The following RET variants were observed in gnomAD, a reference collection of about 807,000 sequenced individuals.
RET encodes ret proto-oncogene, also known as proto-oncogene tyrosine-protein kinase receptor Ret.
Under a neutral mutation model 118.3 loss-of-function variants are expected in RET, and 19 were observed. The observed-to-expected ratio is 0.16, with a 90% confidence interval of 0.11 to 0.24. The LOEUF (loss-of-function observed/expected upper bound fraction) is 0.24. Ranked by LOEUF, RET falls within the 10% of genes least tolerant of loss-of-function variation. The probability of loss-of-function intolerance (pLI) is 1.00; values close to 1 mark genes in which losing one functional copy is unlikely to be tolerated. For missense variants in RET, 1,219 were observed against 1,502.1 expected (o/e 0.81, Z 3.12); for synonymous variants, 597 against 644.1 (o/e 0.93, Z 1.11).
At chr10:43,088,736 T>G (rs1394943817) in intron 1 of RET, among the ~76,000 whole-genome samples, 3 of 152,118 alleles carry the variant, frequency 2.0e-5, no homozygotes, top group Non-Finnish European at 4.4e-5. Context: ...CAACACACAC[T>G]TTCTCTCCAT....
rs2132908826 is a variant in RET at position 43,116,703 on chromosome 10, C to T, written c.2256C>T (p.Tyr752=). ...TAFHLKGRAG[Y]TTVAVKMLKE... is the part of the protein sequence containing the mutation. ...TCCATCTGAAAGGCAGAGCAGGGTA[C>T]ACCACGGTGGCCGTGAAGATGCTGA... The change falls in exon 12 of 20, where the codon TAC becomes TAT. Residue 752 remains tyrosine (Y), a synonymous_variant. Coordinates refer to ENST00000355710, the MANE Select transcript of RET (RefSeq NM_020975.6). 3 of 1,614,090 alleles carry T rather than the reference C, an allele frequency of 1.9e-6. No individual in the cohort carries two copies. Among genetic ancestry groups the T allele is most frequent in the Non-Finnish European group, 2.5e-6 (3 of 1,180,010 alleles).
Position 43,109,233 on chromosome 10 carries a change from G to A in RET, c.1263+3G>A, listed in dbSNP as rs1837860825. The A allele has an allele frequency of 6.2e-7, 1 of 1,612,358 alleles. No homozygotes were observed. ...GGAGGGCTCGCCGATTTGCCCAGGT[G>A]AGCCCATACCTATTGCCTGTCTGGG... On this transcript the variant is annotated splice_donor_region_variant and intron_variant, in intron 6 of 19. Transcript: ENST00000355710.
At chr10:43,083,125 C>T (rs1164894575) in intron 1 of RET, among the ~76,000 whole-genome samples, 1 of 152,190 alleles carries the variant, frequency 6.6e-6, no homozygotes. Flanking sequence ...GGCTCATGGG[C>T]GCTTGGTGAC....
At chr10:43,105,228 TC>T in intron 4 of RET, 35 bp downstream of exon 4, 1 of 1,611,984 alleles carries the variant, frequency 6.2e-7, no homozygotes, top group Non-Finnish European at 8.5e-7. Context: ...CTACCCAGTG[TC>T]TGTCTCCGGC....
chr10:43,095,911 C>A (rs764315498), intron 1 of RET, among the ~76,000 whole-genome samples: 29 of 152,224 alleles, frequency 1.9e-4, no homozygotes, highest in Non-Finnish European at 4.0e-4. Context: ...GGAACCAGAA[C>A]CACGGTGGCG....
rs1221479955 is a variant in RET at position 43,104,822 on chromosome 10, C to A, written c.626-130C>A. Reference sequence around the variant, plus strand: ...CCGAGCGCTGCCCTCCCCTGTGGAGCGGAGGAGGGGAGGCCTGGGGCCGCG... The same window carrying A: ...CCGAGCGCTGCCCTCCCCTGTGGAGAGGAGGAGGGGAGGCCTGGGGCCGCG... On this transcript the variant is annotated intron_variant, in intron 3 of 19. Coordinates refer to ENST00000355710, the MANE Select transcript of RET (RefSeq NM_020975.6). The A allele has an allele frequency of 2.9e-6, 4 of 1,368,194 alleles. No homozygotes were observed. The African/African-American group carries it at 5.8e-5, about 20-fold the overall frequency. The allele number at this position is 1,368,194 out of a possible 1,614,324, so 84.8% of individuals were successfully genotyped here.
At chr10:43,087,481 G>C (rs1837314465) in intron 1 of RET, among the ~76,000 whole-genome samples, 1 of 152,266 alleles carries the variant, frequency 6.6e-6, no homozygotes, top group Non-Finnish European at 1.5e-5. Context: ...ATCATCTGCA[G>C]AGACCAGTGT....
intron 11 of RET, 145 bp from the exon 12 acceptor site, chr10:43,116,439 C>T (rs1400603583): frequency 1.1e-5 from 11 of 995,462 alleles, no homozygotes; most frequent in East Asian, 2.4e-5. Context: ...AGACAGGCAG[C>T]GTTGCCGCTG....
chr10:43,099,007 C>T (rs1293227986), intron 1 of RET, among the ~76,000 whole-genome samples: 1 of 152,190 alleles, frequency 6.6e-6, no homozygotes, highest in African/African-American at 2.4e-5. Context: ...TTTCCATTTT[C>T]ACCGACAATG....
In RET at chr10:43,116,683, C is replaced by T. The variant is rs1838078155; in HGVS notation, c.2236C>T (p.Leu746=). ...GKVVKATAFH[L]KGRAGYTTVA... is the part of the protein sequence containing the mutation. ...AGTGGTCAAGGCAACGGCCTTCCAT[C>T]TGAAAGGCAGAGCAGGGTACACCAC... The change falls in exon 12 of 20, where the codon CTG becomes TTG. Residue 746 remains leucine, a synonymous_variant. Transcript: ENST00000355710. The T allele has an allele frequency of 6.2e-7, 1 of 1,614,148 alleles. No homozygotes were observed.
chr10:43,117,926 G>A (rs1838109967), intron 12 of RET, among the ~76,000 whole-genome samples: 1 of 152,218 alleles, frequency 6.6e-6, no homozygotes, highest in African/African-American at 2.4e-5. Context: ...TCTCAGACAG[G>A]AGCGGGAAAT....
intron 1 of RET, among the ~76,000 whole-genome samples, chr10:43,085,223 T>C (rs1837264684): frequency 6.6e-6 from 1 of 152,200 alleles, no homozygotes. Flanking sequence ...GAGGAGTTCC[T>C]GTCCCCATTC....
chr10:43,092,474 TACC>T (rs1837430624), intron 1 of RET, among the ~76,000 whole-genome samples: 1 of 152,278 alleles, frequency 6.6e-6, no homozygotes, highest in African/African-American at 2.4e-5. Flanking sequence ...ATGTGTATTT[TACC>T]ACAATTTAAA....
At chr10:43,090,885 C>T (rs1345770897) in intron 1 of RET, among the ~76,000 whole-genome samples, 1 of 150,252 alleles carries the variant, frequency 6.7e-6, no homozygotes, top group Admixed American at 6.6e-5. Flanking sequence ...GGCGCGCTCC[C>T]TAGCCAGTCA....
chr10:43,120,278 A>G (rs1473046190), intron 15 of RET, 75 bp downstream of exon 15: 2 of 1,584,466 alleles, frequency 1.3e-6, no homozygotes, highest in East Asian at 4.5e-5. Context: ...GCCCTTGGGA[A>G]GCCTAGGAAA....
chr10:43,122,118 C>A, intron 16 of RET, 102 bp downstream of exon 16: 2 of 918,224 alleles, frequency 2.2e-6, no homozygotes, highest in Non-Finnish European at 3.6e-6. Context: ...CAGGGAATTG[C>A]ACTGGCCCTG....
chr10:43,089,376 A>G (rs1327718541), intron 1 of RET, among the ~76,000 whole-genome samples: 2 of 152,210 alleles, frequency 1.3e-5, no homozygotes, highest in African/African-American at 2.4e-5. Context: ...GCCAGCAGGC[A>G]TCCTCCCCAT....
chr10:43,126,674 C>T lies in RET; in HGVS notation c.3139C>T (p.Pro1047Ser), dbSNP rs369152977. 3.7e-6 allele frequency: 6 copies of T among 1,613,946 alleles called. No individual in the cohort carries two copies. The highest frequency in any genetic ancestry group is 4.2e-6 in the Non-Finnish European group (5 of 1,180,040). Residue 1047 changes from proline to serine, a missense_variant, in exon 19 of 20, where the codon CCC becomes TCC. By Grantham distance (74) the Pro-to-Ser change is moderately conservative. This residue lies in a region of RET where 174 missense variants were observed against 179.3 expected (regional missense o/e 0.97). Transcript: ENST00000355710. The stretch of plus-strand genomic sequence containing the variant: ...ACCGCTGGTGGACTGTAATAATGCC[C>T]CCCTCCCTCGAGCCCTCCCTTCCAC... ...ETPLVDCNNA[P>S]LPRALPSTWI...
At chr10:43,122,159 A>G (rs1447181139) in intron 16 of RET, 143 bp downstream of exon 16, 48 of 760,792 alleles carry the variant, frequency 6.3e-5, no homozygotes. Flanking sequence ...GCCCTCTGCA[A>G]TGACCCCCTC....
Sources: gnomAD v4.1 joint callset for allele counts (sites outside exome capture counted in the v4.1 genomes callset) on GRCh38, gnomAD v4.1.1 for gene constraint, gnomAD v4.1.1 regional missense constraint, MANE v1.5 for transcripts, NCBI Gene and HGNC (gene_info 2026-07-23, HGNC 2026-07-21) for gene names.